FSTL5: variants seen among roughly 807,000 people sequenced by gnomAD.
The protein encoded by FSTL5 is follistatin like 5.
Under a neutral mutation model 89.1 loss-of-function variants are expected in FSTL5, and 62 were observed. The observed-to-expected ratio is 0.70, with a 90% confidence interval of 0.57 to 0.86. The LOEUF (loss-of-function observed/expected upper bound fraction) is 0.86. Ranked by LOEUF, FSTL5 falls within the 40% of genes least tolerant of loss-of-function variation. The pLI is 0.00. For missense variants in FSTL5, 1,057 were observed against 1,001.6 expected, an observed-to-expected ratio of 1.06 and a Z score of -0.75; for synonymous variants, 383 against 346.2, an observed-to-expected ratio of 1.11 and a Z score of -1.18.
chr4:161,521,848 C>CAAAAAAAAAA lies in FSTL5; in HGVS notation c.1313-11434_1313-11425dup, dbSNP rs11405532. Among the ~76,000 whole-genome samples, 182 of 57,824 alleles carry CAAAAAAAAAA rather than the reference C, an allele frequency of 3.1e-3. 3 individuals are homozygous for CAAAAAAAAAA. The highest frequency in any genetic ancestry group is 0.011 in the African/African-American group (114 of 10,496). The allele number at this position is 57,824 out of a possible 152,430, so 37.9% of individuals were successfully genotyped here. On this transcript the variant is annotated intron_variant, in intron 10 of 15. Coordinates refer to ENST00000306100, the MANE Select transcript of FSTL5 (RefSeq NM_020116.5). The stretch of plus-strand genomic sequence containing the variant: ...TGGATGACAGAGCAGGACTCCACCT[C>CAAAAAAAAAA]AAAAAAAAAAAAAAAAGAAAAAAAA...
chr4:161,679,268 ACAAATGAC>A (rs1240836363), intron 6 of FSTL5, among the ~76,000 whole-genome samples: 1 of 151,812 alleles, frequency 6.6e-6, no homozygotes, highest in African/African-American at 2.4e-5. Context: ...CATAATGTTC[ACAAATGAC>A]AATGATAGCT....
chr4:161,747,885 A>G (rs1387392781), intron 6 of FSTL5, among the ~76,000 whole-genome samples: 1 of 152,168 alleles, frequency 6.6e-6, no homozygotes, highest in Non-Finnish European at 1.5e-5. Flanking sequence ...GGATATAGCA[A>G]ATATATATTG....
At chr4:161,541,956 T>C (rs1457086080) in intron 9 of FSTL5, among the ~76,000 whole-genome samples, 1 of 151,948 alleles carries the variant, frequency 6.6e-6, no homozygotes, top group Non-Finnish European at 1.5e-5. Flanking sequence ...GGGATTATTA[T>C]TATCTAATAT....
chr4:161,944,050 A>G (rs1244631394), intron 3 of FSTL5, among the ~76,000 whole-genome samples: 1 of 151,958 alleles, frequency 6.6e-6, no homozygotes, highest in Non-Finnish European at 1.5e-5. Flanking sequence ...CAACCTTTTA[A>G]TGTGTAAATT....
At chr4:161,557,767 GTATATTGCA>G (rs1358074947) in intron 8 of FSTL5, among the ~76,000 whole-genome samples, 1 of 151,688 alleles carries the variant, frequency 6.6e-6, no homozygotes, top group Non-Finnish European at 1.5e-5. Context: ...GCTAAGTTAC[GTATATTGCA>G]TATATTGCCC....
intron 1 of FSTL5, among the ~76,000 whole-genome samples, chr4:162,137,630 G>T (rs1334746087): frequency 6.6e-6 from 1 of 152,034 alleles, no homozygotes. Flanking sequence ...TGAATAAGTT[G>T]TCCTTCTTTG....
chr4:161,989,065 A>G (rs1736039917), intron 3 of FSTL5, among the ~76,000 whole-genome samples: 1 of 152,172 alleles, frequency 6.6e-6, no homozygotes, highest in Non-Finnish European at 1.5e-5. Context: ...ATTCTACTTA[A>G]ATCTTTGATT....
chr4:161,971,645 A>C (rs921202492), intron 3 of FSTL5, among the ~76,000 whole-genome samples: 1 of 152,148 alleles, frequency 6.6e-6, no homozygotes, highest in Non-Finnish European at 1.5e-5. Flanking sequence ...ATTATTTAAA[A>C]ACTATAAATT....
intron 10 of FSTL5, among the ~76,000 whole-genome samples, chr4:161,529,205 C>A (rs1409299990): frequency 7.0e-6 from 1 of 143,012 alleles, no homozygotes; most frequent in African/African-American, 2.5e-5. Context: ...TAATAAAGCC[C>A]TGCTTTTGTG....
At chr4:162,126,437 T>C (rs531877653) in intron 1 of FSTL5, among the ~76,000 whole-genome samples, 4 of 152,296 alleles carry the variant, frequency 2.6e-5, no homozygotes, top group Non-Finnish European at 4.4e-5. Flanking sequence ...ATTATGATTC[T>C]TTTGTAGGCA....
At chr4:161,816,763 G>A (rs987683624) in intron 4 of FSTL5, among the ~76,000 whole-genome samples, 2 of 152,150 alleles carry the variant, frequency 1.3e-5, no homozygotes, top group African/African-American at 4.8e-5. Context: ...TGGGACAAGA[G>A]TCAAAGGGCA....
At chr4:162,115,972 A>G (rs1002389193) in intron 1 of FSTL5, among the ~76,000 whole-genome samples, 1 of 152,202 alleles carries the variant, frequency 6.6e-6, no homozygotes, top group Non-Finnish European at 1.5e-5. Flanking sequence ...AAAATGCAGC[A>G]TTTGAGAAGA....
chr4:162,008,494 C>T (rs894778991), intron 3 of FSTL5, among the ~76,000 whole-genome samples: 2 of 151,780 alleles, frequency 1.3e-5, no homozygotes, highest in African/African-American at 4.8e-5. Context: ...AGGGAAATCA[C>T]GTTATTTTAA....
At chr4:161,931,783 A>T (rs991011052) in intron 3 of FSTL5, among the ~76,000 whole-genome samples, 1 of 151,948 alleles carries the variant, frequency 6.6e-6, no homozygotes, top group Non-Finnish European at 1.5e-5. Context: ...CTTTCTTTGC[A>T]GTAGGTGGTA....
At chr4:161,698,185 T>C (rs1234212455) in intron 6 of FSTL5, among the ~76,000 whole-genome samples, 1 of 152,078 alleles carries the variant, frequency 6.6e-6, no homozygotes, top group Non-Finnish European at 1.5e-5. Context: ...AGATGGCCAT[T>C]TGTGAAACAA....
intron 6 of FSTL5, among the ~76,000 whole-genome samples, chr4:161,683,354 AT>A: frequency 6.6e-6 from 1 of 152,226 alleles, no homozygotes; most frequent in Non-Finnish European, 1.5e-5. Context: ...GTGGTGGGTG[AT>A]TTGATATTAA....
chr4:161,967,719 T>G (rs1288783022), intron 3 of FSTL5, among the ~76,000 whole-genome samples: 1 of 151,990 alleles, frequency 6.6e-6, no homozygotes, highest in Non-Finnish European at 1.5e-5. Flanking sequence ...GGCTTTTCTT[T>G]CTAAAGTCAT....
At chr4:161,448,536 T>C (rs1733036118) in intron 15 of FSTL5, among the ~76,000 whole-genome samples, 3 of 152,168 alleles carry the variant, frequency 2.0e-5, no homozygotes, top group Non-Finnish European at 4.4e-5. Context: ...ATTTTTCCCT[T>C]GGAGGAGTTT....
intron 6 of FSTL5, among the ~76,000 whole-genome samples, chr4:161,696,263 G>C (rs1438020058): frequency 6.6e-6 from 1 of 152,032 alleles, no homozygotes. Flanking sequence ...AAGATCAATT[G>C]GCTGTAAGTA....
Sources: gnomAD v4.1 joint callset for allele counts (sites outside exome capture counted in the v4.1 genomes callset) on GRCh38, gnomAD v4.1.1 for gene constraint, MANE v1.5 for transcripts, NCBI Gene and HGNC (gene_info 2026-07-23, HGNC 2026-07-21) for gene names.